ETFA: variants seen among roughly 807,000 people sequenced by gnomAD.
ETFA encodes the protein electron transfer flavoprotein subunit alpha.
A neutral mutation model predicts 46.2 loss-of-function variants in ETFA; 22 were observed. The ratio of observed to expected loss-of-function variants is 0.48; its 90% confidence interval spans 0.34 to 0.68. The LOEUF (loss-of-function observed/expected upper bound fraction) is 0.68, where lower values mean the gene tolerates loss of function less well. Ranked by LOEUF, ETFA falls within the 30% of genes least tolerant of loss-of-function variation. The pLI is 0.01. For missense variants in ETFA, 345 were observed against 401.1 expected, an observed-to-expected ratio of 0.86 and a Z score of 1.19; for synonymous variants, 131 against 139.9, an observed-to-expected ratio of 0.94 and a Z score of 0.45.
At chr15:76,257,065 G>A (rs946906819) in intron 9 of ETFA, among the ~76,000 whole-genome samples, 3 of 144,012 alleles carry the variant, frequency 2.1e-5, no homozygotes, top group Middle Eastern at 3.5e-3. Context: ...CTATATTAAC[G>A]AACGTGACTT....
intron 11 of ETFA, chr15:76,217,537 G>A (rs2038909005): frequency 2.3e-6 from 1 of 431,598 alleles, no homozygotes; most frequent in East Asian, 7.3e-5. Context: ...CCACAGCAAG[G>A]GGAAATGGCC....
intron 9 of ETFA, among the ~76,000 whole-genome samples, chr15:76,271,423 T>C (rs1001161234): frequency 3.3e-5 from 5 of 152,298 alleles, no homozygotes; most frequent in African/African-American, 1.2e-4. Context: ...ATTGAAGACA[T>C]TAGACAAATC....
At chr15:76,258,637 C>T (rs1386836529) in intron 9 of ETFA, among the ~76,000 whole-genome samples, 4 of 152,224 alleles carry the variant, frequency 2.6e-5, no homozygotes, top group African/African-American at 4.8e-5. Context: ...CTCAGCGGGA[C>T]GGTAGAGCCT....
intron 1 of ETFA, among the ~76,000 whole-genome samples, chr15:76,298,960 T>A (rs2039854547): frequency 6.6e-6 from 1 of 152,218 alleles, no homozygotes; most frequent in Non-Finnish European, 1.5e-5. Flanking sequence ...ATTTTCATTT[T>A]ATTATTTTAT....
chr15:76,242,933 C>G (rs1342369494), intron 9 of ETFA, among the ~76,000 whole-genome samples: 1 of 152,108 alleles, frequency 6.6e-6, no homozygotes, highest in African/African-American at 2.4e-5. Context: ...GTGATGAAAA[C>G]TTTCAGAAAT....
chr15:76,271,157 G>A (rs1192670488), intron 9 of ETFA, among the ~76,000 whole-genome samples: 5 of 139,502 alleles, frequency 3.6e-5, no homozygotes, highest in African/African-American at 1.1e-4. Context: ...GCGACAGAGC[G>A]AGACTATGTC....
At chr15:76,265,257 TG>T (rs1429779636) in intron 9 of ETFA, among the ~76,000 whole-genome samples, 13 of 152,304 alleles carry the variant, frequency 8.5e-5, no homozygotes, top group Admixed American at 8.5e-4. Flanking sequence ...TGGGAATAAT[TG>T]ACTCTGATCA....
intron 8 of ETFA, among the ~76,000 whole-genome samples, chr15:76,274,783 A>T (rs1373799667): frequency 6.6e-6 from 1 of 152,246 alleles, no homozygotes; most frequent in Non-Finnish European, 1.5e-5. Context: ...CAAGTTTTGA[A>T]GAAAGGTTTT....
intron 9 of ETFA, among the ~76,000 whole-genome samples, chr15:76,256,011 A>C (rs1260656915): frequency 6.6e-6 from 1 of 151,848 alleles, no homozygotes; most frequent in East Asian, 1.9e-4. Context: ...TAATCCCAGC[A>C]CTTTGGGAGG....
At chr15:76,225,462 G>A (rs1232385048) in intron 11 of ETFA, among the ~76,000 whole-genome samples, 2 of 151,904 alleles carry the variant, frequency 1.3e-5, no homozygotes, top group East Asian at 3.9e-4. Flanking sequence ...CTAATTTTTT[G>A]TATTTTTTAG....
At chr15:76,225,772 G>T in intron 11 of ETFA, 77 bp downstream of exon 11, 1 of 907,170 alleles carries the variant, frequency 1.1e-6, no homozygotes, top group South Asian at 1.3e-5. Flanking sequence ...TCTTTTAATA[G>T]CTTCATCCCT....
chr15:76,251,663 G>C lies in ETFA; in HGVS notation c.817-20265C>G, dbSNP rs542457465. On this transcript the variant is annotated intron_variant, in intron 9 of 11. Coordinates refer to ENST00000557943, the MANE Select transcript of ETFA (RefSeq NM_000126.4). Reference sequence around the variant, plus strand: ...AGAAAGGGCGAGAGCTGAGCTAGTAGCACTCTAGATATACCACCCCACTTC... The same window carrying C: ...AGAAAGGGCGAGAGCTGAGCTAGTACCACTCTAGATATACCACCCCACTTC... 5.9e-5 allele frequency among the ~76,000 whole-genome samples: 9 copies of C among 152,198 alleles called. No individual in the cohort carries two copies. In the South Asian group the frequency reaches 1.9e-3, roughly 32 times the overall value.
chr15:76,245,955 T>C (rs2039239444), intron 9 of ETFA, among the ~76,000 whole-genome samples: 1 of 152,234 alleles, frequency 6.6e-6, no homozygotes, highest in Non-Finnish European at 1.5e-5. Flanking sequence ...CAAATATTAA[T>C]GTGCTAACAA....
At chr15:76,265,531 A>AT (rs2039462270) in intron 9 of ETFA, among the ~76,000 whole-genome samples, 1 of 152,194 alleles carries the variant, frequency 6.6e-6, no homozygotes, top group Non-Finnish European at 1.5e-5. Flanking sequence ...TGATGTCTCT[A>AT]TTTATTGCTT....
chr15:76,306,420 C>T (rs1253010928), intron 1 of ETFA, among the ~76,000 whole-genome samples: 1 of 151,902 alleles, frequency 6.6e-6, no homozygotes, highest in Non-Finnish European at 1.5e-5. Context: ...GCACGCACCA[C>T]CACACCCAGC....
chr15:76,236,194 G>A (rs1229989365), intron 9 of ETFA, among the ~76,000 whole-genome samples: 2 of 152,130 alleles, frequency 1.3e-5, no homozygotes, highest in East Asian at 3.8e-4. Flanking sequence ...AGAAGCTAAG[G>A]GGAAAACTGT....
At chr15:76,289,244 A>T (rs1378329333) in intron 4 of ETFA, among the ~76,000 whole-genome samples, 3 of 151,952 alleles carry the variant, frequency 2.0e-5, no homozygotes, top group Admixed American at 2.0e-4. Context: ...TGAAGCACCT[A>T]CTTAATCTGG....
chr15:76,220,685 C>A (rs1447191634), intron 11 of ETFA, among the ~76,000 whole-genome samples: 4 of 152,080 alleles, frequency 2.6e-5, no homozygotes, highest in Non-Finnish European at 5.9e-5. Context: ...TAAACTTTCT[C>A]CAAACAAAAT....
chr15:76,309,751 C>A (rs1313522546), intron 1 of ETFA, among the ~76,000 whole-genome samples: 1 of 152,124 alleles, frequency 6.6e-6, no homozygotes, highest in Non-Finnish European at 1.5e-5. Context: ...GAGCAGCATT[C>A]TTCTGGCTCA....
Sources: allele counts gnomAD v4.1 joint callset (sites outside exome capture counted in the v4.1 genomes callset), GRCh38; gene constraint gnomAD v4.1.1; transcripts MANE v1.5; gene names NCBI Gene and HGNC (gene_info 2026-07-23, HGNC 2026-07-21).